Variants in OSBPL10 observed in about 807,000 individuals in gnomAD.
OSBPL10 encodes oxysterol-binding protein-related protein 10.
OSBPL10 carries 49 observed loss-of-function variants against 81.7 expected under a neutral mutation model. That is an observed-to-expected ratio of 0.60 (90% CI 0.48 to 0.76). The LOEUF is 0.76. OSBPL10 is among the 30% of genes least tolerant of loss of function. OSBPL10 has a pLI of 0.00. For missense variants in OSBPL10, 923 were observed against 987.8 expected (o/e 0.93, Z 0.88); for synonymous variants, 419 against 383.6 (o/e 1.09, Z -1.08).
At chr3:31,919,204 C>T (rs1414309661) in intron 1 of OSBPL10, among the ~76,000 whole-genome samples, 1 of 152,190 alleles carries the variant, frequency 6.6e-6, no homozygotes, top group African/African-American at 2.4e-5. Context: ...ACACAGATTT[C>T]TATCATGACC....
intron 3 of OSBPL10, among the ~76,000 whole-genome samples, chr3:31,853,459 C>T (rs115793722): frequency 0.012 from 1,830 of 152,146 alleles, 32 homozygotes; most frequent in African/African-American, 0.041. Context: ...TAATTTGTAC[C>T]ACAGGCAAGA....
chr3:31,969,059 G>C (rs1190923772), intron 1 of OSBPL10, among the ~76,000 whole-genome samples: 1 of 152,180 alleles, frequency 6.6e-6, no homozygotes, highest in African/African-American at 2.4e-5. Flanking sequence ...AAAGTTCTGT[G>C]CTGTGTGGTT....
chr3:31,661,366 C>T lies in OSBPL10; in HGVS notation c.*706G>A, dbSNP rs1700067915. ...ACTTCTCAAAAATGAATGACTAGCGCTGTGACCATGAGAGACGGGTGGAAA... is the reference window on the plus strand; with the variant it reads ...ACTTCTCAAAAATGAATGACTAGCGTTGTGACCATGAGAGACGGGTGGAAA... On this transcript the variant is annotated 3_prime_UTR_variant, in exon 12 of 12. Coordinates refer to ENST00000396556, the MANE Select transcript of OSBPL10 (RefSeq NM_017784.5). The T allele has an allele frequency of 6.6e-6, 1 of 152,238 alleles. No homozygotes were observed. The highest frequency in any genetic ancestry group is 1.5e-5 in the Non-Finnish European group (1 of 68,064). The allele number at this position is 152,238 out of a possible 1,614,324, so 9.4% of individuals were successfully genotyped here. A position where few individuals can be genotyped will look rare whatever the true frequency, so the allele number is the denominator to read the frequency against.
At chr3:31,893,079 T>C (rs1278963195) in intron 1 of OSBPL10, among the ~76,000 whole-genome samples, 2 of 152,144 alleles carry the variant, frequency 1.3e-5, no homozygotes, top group Admixed American at 6.5e-5. Flanking sequence ...CCTGAAATGT[T>C]AATGTGCTCC....
intron 7 of OSBPL10, among the ~76,000 whole-genome samples, chr3:31,692,534 A>T (rs1018509654): frequency 3.9e-5 from 6 of 152,158 alleles, no homozygotes; most frequent in African/African-American, 1.4e-4. Context: ...AGCAACCCCG[A>T]GACCACCTCT....
chr3:31,794,570 A>T, intron 4 of OSBPL10: 1 of 364,338 alleles, frequency 2.7e-6, no homozygotes, highest in East Asian at 8.1e-5. Flanking sequence ...CTCCTTAGTG[A>T]GGTTCAGAGA....
chr3:31,769,634 T>C (rs1346581896), intron 4 of OSBPL10, among the ~76,000 whole-genome samples: 2 of 150,698 alleles, frequency 1.3e-5, no homozygotes, highest in African/African-American at 2.4e-5. Context: ...TATAAAAATA[T>C]ATGAGTTAGA....
chr3:31,869,212 G>C (rs1299078791), intron 3 of OSBPL10, among the ~76,000 whole-genome samples: 2 of 149,890 alleles, frequency 1.3e-5, no homozygotes, highest in East Asian at 2.0e-4. Flanking sequence ...GGAGACAGAG[G>C]TTCAGAAAGT....
chr3:31,885,995 C>CAAAAAAAAAAAA (rs397957994), intron 1 of OSBPL10, among the ~76,000 whole-genome samples: 2 of 62,522 alleles, frequency 3.2e-5, no homozygotes, highest in Non-Finnish European at 2.8e-5. Context: ...AACTCCATCT[C>CAAAAAAAAAAAA]AAAAAAAAAA....
At chr3:31,752,356 C>A (rs7615152) in intron 4 of OSBPL10, among the ~76,000 whole-genome samples, 1 of 152,114 alleles carries the variant, frequency 6.6e-6, no homozygotes, top group African/African-American at 2.4e-5. Context: ...CTTCCACGAT[C>A]AAGGCATCAT....
chr3:31,848,512 A>G (rs1160026613), intron 3 of OSBPL10, among the ~76,000 whole-genome samples: 1 of 152,002 alleles, frequency 6.6e-6, no homozygotes, highest in African/African-American at 2.4e-5. Flanking sequence ...ACTACTCTCA[A>G]ATGCCCTATT....
intron 4 of OSBPL10, among the ~76,000 whole-genome samples, chr3:31,807,608 C>A (rs904695945): frequency 1.3e-5 from 2 of 151,444 alleles, no homozygotes; most frequent in Non-Finnish European, 2.9e-5. Flanking sequence ...CACGGTGGCA[C>A]GTGCCTGTGG....
intron 4 of OSBPL10, among the ~76,000 whole-genome samples, chr3:31,775,559 G>A (rs1333431289): frequency 6.6e-6 from 1 of 152,136 alleles, no homozygotes; most frequent in Non-Finnish European, 1.5e-5. Flanking sequence ...TGAGACGGCA[G>A]AGGTCAGGGA....
At position 31,733,307 on chromosome 3, in the gene OSBPL10, T is replaced by C. The variant is rs1283289095; in HGVS notation, c.1045A>G (p.Ile349Val). The C allele has an allele frequency of 1.3e-5, 21 of 1,612,536 alleles. No individual in the cohort carries two copies. Among genetic ancestry groups the C allele is most frequent in the African/African-American group, 6.7e-5 (5 of 74,778 alleles). The change falls in exon 6 of 12, where the codon ATT becomes GTT. Residue 349 changes from isoleucine (I) to valine (V), a missense_variant. By Grantham distance (29) the Ile-to-Val change is conservative. Transcript: ENST00000396556. Reference sequence around the variant, plus strand: ...TCGTCTTCAGCAGAGTTTGGTAAAATTGCCCAGGTTATGTTGGCACTGGCT... The same window carrying C: ...TCGTCTTCAGCAGAGTTTGGTAAAACTGCCCAGGTTATGTTGGCACTGGCT... Reference protein sequence around the residue: ...PSASANITWAILPNSAEDEQT... With the variant: ...PSASANITWAVLPNSAEDEQT...
chr3:31,868,174 T>C (rs1348642884), intron 3 of OSBPL10, among the ~76,000 whole-genome samples: 3 of 152,186 alleles, frequency 2.0e-5, no homozygotes, highest in Admixed American at 6.5e-5. Flanking sequence ...CATCAGATTA[T>C]GTCTGGGGGT....
Position 31,910,371 on chromosome 3 carries a change from A to C in OSBPL10, c.282-30541T>G, listed in dbSNP as rs183729492. Among the ~76,000 whole-genome samples, 140 of 151,452 alleles carry C rather than the reference A, an allele frequency of 9.2e-4. 1 individual carries two copies. The highest frequency in any genetic ancestry group is 3.3e-3 in the African/African-American group (138 of 41,362). ...GTCAGGGGGCCGGGCGCGGTGGCTCACGCCTGTAATCCCAGAACTTCGGGA... is the reference window on the plus strand; with the variant it reads ...GTCAGGGGGCCGGGCGCGGTGGCTCCCGCCTGTAATCCCAGAACTTCGGGA... On this transcript the variant is annotated intron_variant, in intron 1 of 11. Transcript: ENST00000396556.
In OSBPL10 at chr3:31,941,052, G is replaced by A. The variant is rs546210971; in HGVS notation, c.281+39847C>T. The stretch of plus-strand genomic sequence containing the variant: ...TGAGGGTGTGCCAGGTGTTGAGAAT[G>A]GTAAATGTACTCAACGTTTGTCCGA... On this transcript the variant is annotated intron_variant, in intron 1 of 11. Transcript: ENST00000396556. Among the ~76,000 whole-genome samples, 27 of 152,194 alleles carry A rather than the reference G, an allele frequency of 1.8e-4. No homozygotes were observed. In the South Asian group the frequency reaches 5.0e-3, roughly 28 times the overall value.
At chr3:31,817,539 C>G (rs1699868894) in intron 4 of OSBPL10, among the ~76,000 whole-genome samples, 1 of 107,928 alleles carries the variant, frequency 9.3e-6, no homozygotes, top group South Asian at 4.0e-4. Context: ...AGCTGTGGGT[C>G]AGGCGGCTGC....
chr3:31,662,543 C>A, intron 11 of OSBPL10: 1 of 1,004,954 alleles, frequency 1.0e-6, no homozygotes, highest in South Asian at 4.4e-5. Flanking sequence ...AGGCAGTAGT[C>A]ACAAACAAAT....
Sources: allele counts gnomAD v4.1 joint callset (sites outside exome capture counted in the v4.1 genomes callset), GRCh38; gene constraint gnomAD v4.1.1; transcripts MANE v1.5; gene names NCBI Gene and HGNC (gene_info 2026-07-23, HGNC 2026-07-21).